ERC2: variants seen among roughly 807,000 people sequenced by gnomAD.
ERC2 encodes ELKS/RAB6-interacting/CAST family member 2.
In ERC2, 42 loss-of-function variants were observed where a neutral mutation model predicts 114.8. The ratio of observed to expected loss-of-function variants is 0.37; its 90% CI spans 0.29 to 0.47. The LOEUF (loss-of-function observed/expected upper bound fraction) is 0.47. Among genes scored for constraint, ERC2 ranks in the 20% least tolerant of loss-of-function variants. The pLI, the probability that ERC2 is intolerant of heterozygous loss-of-function variation, is 0.99. For synonymous variants in ERC2, 454 were observed against 425.5 expected (o/e 1.07, Z -0.82); for missense variants, 939 against 1,150.7 (o/e 0.82, Z 2.66).
chr3:55,956,247 A>T (rs2067944445), intron 12 of ERC2, among the ~76,000 whole-genome samples: 1 of 152,172 alleles, frequency 6.6e-6, no homozygotes, highest in Non-Finnish European at 1.5e-5. Flanking sequence ...TAATAATGAG[A>T]TGAGTTACAT....
At chr3:56,279,549 C>G (rs758507527) in intron 3 of ERC2, among the ~76,000 whole-genome samples, 2 of 152,158 alleles carry the variant, frequency 1.3e-5, no homozygotes, top group Non-Finnish European at 2.9e-5. Flanking sequence ...GGCTGTTCAG[C>G]AAAGCCAGAG....
intron 3 of ERC2, among the ~76,000 whole-genome samples, chr3:56,200,993 T>C (rs2048374134): frequency 6.6e-6 from 1 of 152,226 alleles, no homozygotes; most frequent in African/African-American, 2.4e-5. Context: ...CCAGGCACTG[T>C]GCTAAGTACC....
chr3:55,546,129 C>T (rs756419952), intron 17 of ERC2, among the ~76,000 whole-genome samples: 44 of 152,150 alleles, frequency 2.9e-4, no homozygotes, highest in Admixed American at 1.3e-3. Context: ...ACATCTGGCT[C>T]TGTGGTTAAT....
chr3:55,978,244 A>G (rs138114733), intron 12 of ERC2, among the ~76,000 whole-genome samples: 129 of 152,338 alleles, frequency 8.5e-4, no homozygotes, highest in African/African-American at 3.0e-3. Context: ...TAGTTCCAGG[A>G]AAATTTAAAA....
At chr3:56,382,335 C>CA (rs886071751) in intron 2 of ERC2, among the ~76,000 whole-genome samples, 2 of 152,050 alleles carry the variant, frequency 1.3e-5, no homozygotes, top group African/African-American at 4.8e-5. Flanking sequence ...TCTCTCATCT[C>CA]AAAAAGGCCT....
chr3:56,176,320 C>T lies in ERC2; in HGVS notation c.1075-2800G>A, dbSNP rs555292866. Among the ~76,000 whole-genome samples the T allele has an allele frequency of 4.7e-4, 72 of 152,120 alleles. 2 individuals are homozygous for T. In the South Asian group the frequency reaches 0.015, roughly 32 times the overall value. ...ACAAGGAAAAATAATGAAGAAGCAA[C>T]CAAGCAACACAGTGAAAATAAAAAC... On this transcript the variant is annotated intron_variant, in intron 3 of 17. Coordinates refer to ENST00000288221, the MANE Select transcript of ERC2 (RefSeq NM_015576.3).
chr3:55,944,176 CAAT>C (rs1462307650), intron 13 of ERC2, among the ~76,000 whole-genome samples: 1 of 152,208 alleles, frequency 6.6e-6, no homozygotes, highest in African/African-American at 2.4e-5. Flanking sequence ...CCCATAATAA[CAAT>C]GATTACATTT....
In ERC2 at chr3:56,435,233, T is replaced by C. The variant is rs1375116188; in HGVS notation, c.-140-86A>G. ...ATTTTTAAATATATAAAGATAATGATAGATGTACCTATGTAGATAGGTGAT... is the reference window on the plus strand; with the variant it reads ...ATTTTTAAATATATAAAGATAATGACAGATGTACCTATGTAGATAGGTGAT... On this transcript the variant is annotated intron_variant, in intron 1 of 17. Coordinates refer to ENST00000288221, the MANE Select transcript of ERC2 (RefSeq NM_015576.3). 3 of 490,296 alleles carry C rather than the reference T, an allele frequency of 6.1e-6. No homozygotes were observed. The Admixed American group carries it at 1.1e-4, about 18-fold the overall frequency. 30.4% of individuals were successfully genotyped at this position (490,296 alleles called of 1,614,324 possible). A position where few individuals can be genotyped will look rare whatever the true frequency, so the allele number is the denominator to read the frequency against.
At chr3:55,751,641 A>T (rs1013814557) in intron 14 of ERC2, among the ~76,000 whole-genome samples, 14 of 152,124 alleles carry the variant, frequency 9.2e-5, no homozygotes, top group Non-Finnish European at 1.8e-4. Flanking sequence ...GCACCCTAAG[A>T]TTTGAACTAG....
chr3:56,043,009 A>G (rs1181476629), intron 7 of ERC2, among the ~76,000 whole-genome samples: 1 of 152,248 alleles, frequency 6.6e-6, no homozygotes, highest in Non-Finnish European at 1.5e-5. Context: ...CAAAATATTA[A>G]TAAGTGATTA....
At chr3:55,959,113 G>A (rs1011956972) in intron 12 of ERC2, among the ~76,000 whole-genome samples, 1 of 152,150 alleles carries the variant, frequency 6.6e-6, no homozygotes, top group Non-Finnish European at 1.5e-5. Flanking sequence ...CTCTTCTAGA[G>A]CACTTATCTA....
chr3:56,395,627 T>C (rs2106889268), intron 2 of ERC2, among the ~76,000 whole-genome samples: 1 of 152,332 alleles, frequency 6.6e-6, no homozygotes, highest in African/African-American at 2.4e-5. Flanking sequence ...CGCCATGTGA[T>C]GTGCCCCTTT....
intron 2 of ERC2, among the ~76,000 whole-genome samples, chr3:56,347,031 G>C (rs760356382): frequency 6.6e-6 from 1 of 152,184 alleles, no homozygotes; most frequent in Admixed American, 6.5e-5. Context: ...GAATTTTGGA[G>C]GGGCACATTC....
chr3:56,126,890 G>T (rs1283579296), intron 6 of ERC2, among the ~76,000 whole-genome samples: 2 of 151,090 alleles, frequency 1.3e-5, no homozygotes, highest in East Asian at 3.9e-4. Context: ...GGCAAGAAGG[G>T]AAGGGCAGGG....
chr3:55,944,577 C>T (rs868550462), intron 13 of ERC2, among the ~76,000 whole-genome samples: 4 of 152,186 alleles, frequency 2.6e-5, no homozygotes, highest in Non-Finnish European at 4.4e-5. Context: ...TTTATTTACA[C>T]GATTGCACTT....
At chr3:55,950,306 G>T in intron 13 of ERC2, 119 bp downstream of exon 13, 1 of 1,277,508 alleles carries the variant, frequency 7.8e-7, no homozygotes, top group African/African-American at 1.5e-5. Flanking sequence ...GTTAGTGCTA[G>T]ACTCAGGGCA....
At chr3:56,246,046 C>T (rs959952037) in intron 3 of ERC2, among the ~76,000 whole-genome samples, 3 of 149,168 alleles carry the variant, frequency 2.0e-5, no homozygotes, top group Non-Finnish European at 4.4e-5. Flanking sequence ...TTTTATCCTT[C>T]CTTAGTGATA....
intron 2 of ERC2, among the ~76,000 whole-genome samples, chr3:56,331,881 A>C (rs1483476851): frequency 6.6e-6 from 1 of 152,164 alleles, no homozygotes; most frequent in Admixed American, 6.5e-5. Flanking sequence ...AGGCAGATGG[A>C]TAAGAAAAAG....
At chr3:56,079,100 C>T (rs763916786) in intron 7 of ERC2, among the ~76,000 whole-genome samples, 3 of 151,862 alleles carry the variant, frequency 2.0e-5, no homozygotes, top group Non-Finnish European at 4.4e-5. Context: ...TCAATAGGAA[C>T]ATAATGTGAG....
Sources: allele counts gnomAD v4.1 joint callset (sites outside exome capture counted in the v4.1 genomes callset), GRCh38; gene constraint gnomAD v4.1.1; transcripts MANE v1.5; gene names NCBI Gene and HGNC (gene_info 2026-07-23, HGNC 2026-07-21).